The following RBFOX1 variants were observed in gnomAD, a reference collection of about 807,000 sequenced individuals.
RBFOX1 encodes the protein RNA binding protein fox-1 homolog 1.
A neutral mutation model predicts 57.7 loss-of-function variants in RBFOX1; 8 were observed. The ratio of observed to expected loss-of-function variants is 0.14; its 90% CI spans 0.08 to 0.25. RBFOX1 has a LOEUF of 0.25. Ranked by LOEUF, RBFOX1 falls within the 10% of genes least tolerant of loss-of-function variation. The probability of loss-of-function intolerance (pLI) is 1.00; values close to 1 mark genes in which losing one functional copy is unlikely to be tolerated. For missense variants in RBFOX1, 611 were observed against 548.5 expected (o/e 1.11, Z -1.14); for synonymous variants, 326 against 222.4 (o/e 1.47, Z -4.15).
At chr16:5,720,019 G>C (rs1180659714) in intron 3 of RBFOX1, among the ~76,000 whole-genome samples, 1 of 152,078 alleles carries the variant, frequency 6.6e-6, no homozygotes, top group African/African-American at 2.4e-5. Context: ...ACCATCGTAG[G>C]TTCCCATTCC....
At position 7,420,960 on chromosome 16, in the gene RBFOX1, C is replaced by T. The variant is rs186533971; in HGVS notation, c.28-97187C>T. Among the ~76,000 whole-genome samples the T allele has an allele frequency of 2.9e-3, 417 of 145,758 alleles. 3 individuals are homozygous for T. The highest frequency in any genetic ancestry group is 8.7e-3 in the African/African-American group (342 of 39,258). ...ATATACACACACACACACACACACA[C>T]ATATATATATATATGTAGTCCTGCG... On this transcript the variant is annotated intron_variant, in intron 4 of 15. Coordinates refer to ENST00000550418, the MANE Select transcript of RBFOX1 (RefSeq NM_018723.4).
At chr16:6,668,306 G>A (rs1230150965) in intron 3 of RBFOX1, among the ~76,000 whole-genome samples, 1 of 152,168 alleles carries the variant, frequency 6.6e-6, no homozygotes, top group South Asian at 2.1e-4. Context: ...GATTAGTGAT[G>A]CCTGCCAAGG....
Position 5,530,955 on chromosome 16 carries a change from A to C in RBFOX1, c.258+63701A>C, listed in dbSNP as rs1020704447. Reference sequence around the variant, plus strand: ...ATATAAAAAAAAAAAAAAAAAAAAAAAAAAAAAAAAAAAAAAAAAATTAGC... The same window carrying C: ...ATATAAAAAAAAAAAAAAAAAAAAACAAAAAAAAAAAAAAAAAAAATTAGC... On this transcript the variant is annotated intron_variant, in intron 2 of 2. Transcript: ENST00000585867. 7.7e-3 allele frequency among the ~76,000 whole-genome samples: 1,011 copies of C among 131,950 alleles called. 18 individuals are homozygous for C. The highest frequency in any genetic ancestry group is 0.034 in the African/African-American group (953 of 28,296). The allele number at this position is 131,950 out of a possible 152,430, so 86.6% of individuals were successfully genotyped here.
chr16:6,859,129 A>ATATATATATG (rs1567592071), intron 3 of RBFOX1, among the ~76,000 whole-genome samples: 2 of 75,684 alleles, frequency 2.6e-5, no homozygotes, highest in African/African-American at 1.6e-4. Flanking sequence ...ATATATATAT[A>ATATATATATG]CATATATATA....
chr16:5,289,720 G>T (rs539455650), intron 1 of RBFOX1, among the ~76,000 whole-genome samples: 1 of 152,222 alleles, frequency 6.6e-6, no homozygotes, highest in Admixed American at 6.5e-5. Flanking sequence ...AACGTGAATT[G>T]CTCTGAAAGA....
chr16:7,340,550 G>A (rs1230631066), intron 4 of RBFOX1, among the ~76,000 whole-genome samples: 1 of 152,146 alleles, frequency 6.6e-6, no homozygotes, highest in Non-Finnish European at 1.5e-5. Flanking sequence ...ACAACCTAGG[G>A]AAGTCAAGAC....
At position 7,113,563 on chromosome 16, in the gene RBFOX1, C is replaced by T. The variant is rs561148045; in HGVS notation, c.27+61465C>T. 8.5e-5 allele frequency among the ~76,000 whole-genome samples: 13 copies of T among 152,194 alleles called. No individual in the cohort carries two copies. In the South Asian group the frequency reaches 1.2e-3, roughly 15 times the overall value. Reference sequence around the variant, plus strand: ...GGAATATATTATGCAATTATGCACCCGCACCATTGGAGCCACATGATGAAT... The same window carrying T: ...GGAATATATTATGCAATTATGCACCTGCACCATTGGAGCCACATGATGAAT... On this transcript the variant is annotated intron_variant, in intron 4 of 15. Transcript: ENST00000550418.
In RBFOX1 at chr16:6,089,528, TCTGTGGGAGA is replaced by T. The variant is rs2096139874; in HGVS notation, c.-127+69539_-127+69548del. Among the ~76,000 whole-genome samples, 4 of 152,196 alleles carry T rather than the reference TCTGTGGGAGA, an allele frequency of 2.6e-5. No homozygotes were observed. The South Asian group carries it at 8.3e-4, about 31-fold the overall frequency. Reference sequence around the variant, plus strand: ...AGGCATTGTAAATCTTAGACTAAAATCTGTGGGAGACTTTGAACAACCTAAAGATTTTAAG... The same window carrying T: ...AGGCATTGTAAATCTTAGACTAAAATCTTTGAACAACCTAAAGATTTTAAG... On this transcript the variant is annotated intron_variant, in intron 1 of 15. Coordinates refer to ENST00000550418, the MANE Select transcript of RBFOX1 (RefSeq NM_018723.4).
At chr16:6,972,594 C>G (rs1035935440) in intron 3 of RBFOX1, among the ~76,000 whole-genome samples, 4 of 151,964 alleles carry the variant, frequency 2.6e-5, no homozygotes, top group African/African-American at 9.7e-5. Context: ...TTGGAATGTT[C>G]TGGGAGAAGT....
chr16:7,046,755 G>A (rs1485596527), intron 3 of RBFOX1, among the ~76,000 whole-genome samples: 11 of 151,514 alleles, frequency 7.3e-5, no homozygotes, highest in Admixed American at 6.6e-4. Flanking sequence ...ACAAGCACGC[G>A]CCATCATGCC....
chr16:6,962,865 A>G (rs1048927986), intron 3 of RBFOX1, among the ~76,000 whole-genome samples: 1 of 144,500 alleles, frequency 6.9e-6, no homozygotes, highest in Non-Finnish European at 1.5e-5. Flanking sequence ...ACCCTGTCTC[A>G]TGGAAAAAGG....
chr16:7,524,830 C>A (rs1445998949), intron 5 of RBFOX1, among the ~76,000 whole-genome samples: 2 of 152,172 alleles, frequency 1.3e-5, no homozygotes, highest in South Asian at 4.1e-4. Flanking sequence ...CCTTTCCATG[C>A]CAGTTCTGAT....
chr16:7,038,773 A>T (rs34671969), intron 3 of RBFOX1, among the ~76,000 whole-genome samples: 14,649 of 152,140 alleles, frequency 0.096, 1,160 homozygotes, highest in East Asian at 0.32. Context: ...CTGTCTGATT[A>T]ATCTGTCTGG....
At chr16:5,242,210 T>C (rs2062185682) in intron 1 of RBFOX1, among the ~76,000 whole-genome samples, 1 of 152,154 alleles carries the variant, frequency 6.6e-6, no homozygotes. Context: ...GGATGATATA[T>C]TGATAATGAA....
intron 4 of RBFOX1, among the ~76,000 whole-genome samples, chr16:7,241,955 G>A (rs563401715): frequency 1.3e-5 from 2 of 152,192 alleles, no homozygotes; most frequent in African/African-American, 4.8e-5. Context: ...ATATGCGTGT[G>A]TATATATTTA....
intron 4 of RBFOX1, among the ~76,000 whole-genome samples, chr16:7,394,843 T>A (rs1390148025): frequency 6.6e-6 from 1 of 152,190 alleles, no homozygotes; most frequent in Non-Finnish European, 1.5e-5. Context: ...TTATTGTTTT[T>A]CAATCCGTCT....
intron 1 of RBFOX1, among the ~76,000 whole-genome samples, chr16:6,160,753 C>G (rs956334381): frequency 6.6e-6 from 1 of 152,174 alleles, no homozygotes; most frequent in Non-Finnish European, 1.5e-5. Context: ...AGTCGTTCCT[C>G]TAGGAGCCAT....
chr16:7,192,815 G>A (rs571784629), intron 4 of RBFOX1, among the ~76,000 whole-genome samples: 35 of 152,136 alleles, frequency 2.3e-4, no homozygotes, highest in Non-Finnish European at 4.0e-4. Context: ...TTTTTAAAAA[G>A]TAAAATTGGA....
intron 4 of RBFOX1, among the ~76,000 whole-genome samples, chr16:7,060,056 T>C (rs2053769466): frequency 6.6e-6 from 1 of 152,168 alleles, no homozygotes; most frequent in African/African-American, 2.4e-5. Flanking sequence ...CAATGTGTCT[T>C]GACATTCTCA....
Sources: gnomAD v4.1 joint callset for allele counts (sites outside exome capture counted in the v4.1 genomes callset) on GRCh38, gnomAD v4.1.1 for gene constraint, MANE v1.5 for transcripts, NCBI Gene and HGNC (gene_info 2026-07-23, HGNC 2026-07-21) for gene names.